TSPAN15: variants seen among roughly 807,000 people sequenced by gnomAD.
The protein encoded by TSPAN15 is tetraspanin 15.
A neutral mutation model predicts 34.5 loss-of-function variants in TSPAN15; 20 were observed. The ratio of observed to expected loss-of-function variants is 0.58; its 90% CI spans 0.41 to 0.84. The LOEUF is 0.84. TSPAN15 is among the 40% of genes least tolerant of loss of function. The probability of loss-of-function intolerance (pLI) is 0.00; values close to 1 mark genes in which losing one functional copy is unlikely to be tolerated. For synonymous variants in TSPAN15, 155 were observed against 153.9 expected (o/e 1.01, Z -0.05); for missense variants, 313 against 386.1 (o/e 0.81, Z 1.59).
At chr10:69,488,504 A>G (rs1404498684) in intron 3 of TSPAN15, among the ~76,000 whole-genome samples, 1 of 152,210 alleles carries the variant, frequency 6.6e-6, no homozygotes, top group Non-Finnish European at 1.5e-5. Context: ...AGAACAAGTC[A>G]TTAGGTATTG....
rs1039340891 is a variant in TSPAN15 at position 69,470,005 on chromosome 10, T to C, written c.97-13686T>C. On this transcript the variant is annotated intron_variant, in intron 1 of 7. Coordinates refer to ENST00000373290, the MANE Select transcript of TSPAN15 (RefSeq NM_012339.5). Reference sequence around the variant, plus strand: ...AGCACCTCATTCCCCAAATGTTCTTTGTGGTGATATTTTACCCAATTCAGG... The same window carrying C: ...AGCACCTCATTCCCCAAATGTTCTTCGTGGTGATATTTTACCCAATTCAGG... Among the ~76,000 whole-genome samples, 6 of 152,250 alleles carry C rather than the reference T, an allele frequency of 3.9e-5. No homozygotes were observed. In the South Asian group the frequency reaches 8.3e-4, roughly 21 times the overall value.
the TSPAN15 span, among the ~76,000 whole-genome samples, chr10:69,534,845 A>G: frequency 3.5e-5 from 5 of 144,110 alleles, no homozygotes; most frequent in African/African-American, 7.7e-5. Context: ...AAAGCAGGGT[A>G]TGGTGGTGCA....
At chr10:69,507,836 G>A (rs1842368542), downstream of TSPAN15, among the ~76,000 whole-genome samples, 1 of 151,384 alleles carries the variant, frequency 6.6e-6, no homozygotes, top group South Asian at 2.1e-4. Context: ...AGGGCCAGAG[G>A]TGACCACGCC....
intron 3 of TSPAN15, among the ~76,000 whole-genome samples, chr10:69,489,090 G>A (rs762621973): frequency 1.3e-5 from 2 of 152,120 alleles, no homozygotes; most frequent in African/African-American, 4.8e-5. Flanking sequence ...CTCCCAGAGC[G>A]GCCGTTTATA....
At chr10:69,513,807 A>G in the TSPAN15 span, among the ~76,000 whole-genome samples, 1,523 of 152,352 alleles carry the variant, frequency 1.0e-2, 26 homozygotes, top group African/African-American at 0.035. Flanking sequence ...TGCATATCCA[A>G]TTGCTCCAGC....
intron 1 of TSPAN15, among the ~76,000 whole-genome samples, chr10:69,454,313 T>A (rs1841036709): frequency 6.6e-6 from 1 of 150,526 alleles, no homozygotes; most frequent in South Asian, 2.1e-4. Flanking sequence ...AGGTCTGGAG[T>A]TTGAGACCAG....
chr10:69,486,832 C>T (rs1841864364), intron 3 of TSPAN15, among the ~76,000 whole-genome samples: 1 of 152,246 alleles, frequency 6.6e-6, no homozygotes, highest in African/African-American at 2.4e-5. Flanking sequence ...AGAGGTCTTC[C>T]TGTTTTATGA....
chr10:69,469,811 T>C (rs1841467292), intron 1 of TSPAN15, among the ~76,000 whole-genome samples: 1 of 152,112 alleles, frequency 6.6e-6, no homozygotes, highest in Non-Finnish European at 1.5e-5. Flanking sequence ...CCCAGAGTGC[T>C]AGGATTACAA....
At chr10:69,533,391 T>C in the TSPAN15 span, among the ~76,000 whole-genome samples, 1 of 152,214 alleles carries the variant, frequency 6.6e-6, no homozygotes, top group African/African-American at 2.4e-5. Context: ...TGGAGACTAT[T>C]ATTCTAAGTG....
downstream of TSPAN15, among the ~76,000 whole-genome samples, chr10:69,512,270 AAAT>A (rs559167743): frequency 2.4e-4 from 37 of 152,318 alleles, no homozygotes; most frequent in East Asian, 6.6e-3. Flanking sequence ...CACACATAGA[AAAT>A]AATAATATTT....
chr10:69,497,897 T>G (rs1177448138), intron 4 of TSPAN15, among the ~76,000 whole-genome samples: 1 of 152,144 alleles, frequency 6.6e-6, no homozygotes, highest in Non-Finnish European at 1.5e-5. Context: ...GCAGGGACTT[T>G]CACAGAATCA....
At chr10:69,466,857 G>T (rs1022952870) in intron 1 of TSPAN15, among the ~76,000 whole-genome samples, 1 of 152,204 alleles carries the variant, frequency 6.6e-6, no homozygotes, top group Non-Finnish European at 1.5e-5. Flanking sequence ...TCTCCTTCGC[G>T]TGACCATTAT....
At chr10:69,533,124 C>A in the TSPAN15 span, among the ~76,000 whole-genome samples, 1 of 152,062 alleles carries the variant, frequency 6.6e-6, no homozygotes, top group African/African-American at 2.4e-5. Flanking sequence ...GTGGGGAGTC[C>A]TTAAAGAACT....
rs1045142017 is a variant in TSPAN15 at position 69,462,750 on chromosome 10, C to T, written c.96+11060C>T. ...GATGGTACTGGCGATTTCCAGGACA[C>T]CTGTCTCTGCAGGTGAATCCTGAGT... On this transcript the variant is annotated intron_variant, in intron 1 of 7. Transcript: ENST00000373290. Among the ~76,000 whole-genome samples the T allele has an allele frequency of 2.0e-5, 3 of 152,326 alleles. No individual in the cohort carries two copies. The South Asian group carries it at 6.2e-4, about 32-fold the overall frequency.
At chr10:69,480,105 G>A (rs1357931111) in intron 1 of TSPAN15, among the ~76,000 whole-genome samples, 1 of 152,170 alleles carries the variant, frequency 6.6e-6, no homozygotes, top group Admixed American at 6.5e-5. Context: ...AGGGCTCTGG[G>A]GAGCTTGTAA....
intron 1 of TSPAN15, among the ~76,000 whole-genome samples, chr10:69,467,493 A>T (rs1841409815): frequency 6.6e-6 from 1 of 152,114 alleles, no homozygotes; most frequent in Admixed American, 6.5e-5. Flanking sequence ...ATGTGCCTGC[A>T]GTCCCAGCTA....
At chr10:69,524,759 A>G in the TSPAN15 span, among the ~76,000 whole-genome samples, 4 of 141,220 alleles carry the variant, frequency 2.8e-5, no homozygotes, top group Non-Finnish European at 6.1e-5. Context: ...AATTAAAATA[A>G]CAAGATTATA....
At chr10:69,516,595 C>A in the TSPAN15 span, among the ~76,000 whole-genome samples, 1 of 152,194 alleles carries the variant, frequency 6.6e-6, no homozygotes, top group African/African-American at 2.4e-5. Context: ...AGAGGATGAT[C>A]CCCACTTGGC....
chr10:69,500,212 G>A (rs1842175725), intron 5 of TSPAN15, among the ~76,000 whole-genome samples: 1 of 152,172 alleles, frequency 6.6e-6, no homozygotes, highest in Non-Finnish European at 1.5e-5. Flanking sequence ...AGGGAGTTGA[G>A]CAGTGATGCA....
Sources: allele counts gnomAD v4.1 joint callset (sites outside exome capture counted in the v4.1 genomes callset), GRCh38; gene constraint gnomAD v4.1.1; transcripts MANE v1.5; gene names NCBI Gene and HGNC (gene_info 2026-07-23, HGNC 2026-07-21).